The following C12orf56 variants were observed in gnomAD, a reference collection of about 807,000 sequenced individuals.
C12orf56 encodes the protein uncharacterized protein C12orf56.
C12orf56 carries 71 observed loss-of-function variants against 69.9 expected under a neutral mutation model. That is an observed-to-expected ratio of 1.02 (90% CI 0.84 to 1.24). The LOEUF is 1.24. Among genes scored for constraint, C12orf56 ranks in the 50% most tolerant of loss-of-function variants. C12orf56 has a pLI of 0.00. For synonymous variants in C12orf56, 276 were observed against 274.1 expected, an observed-to-expected ratio of 1.01 and a Z score of -0.07; for missense variants, 732 against 738.5, an observed-to-expected ratio of 0.99 and a Z score of 0.10.
chr12:64,299,364 A>T (rs901046651), intron 6 of C12orf56, among the ~76,000 whole-genome samples: 10 of 152,150 alleles, frequency 6.6e-5, no homozygotes, highest in African/African-American at 2.4e-4. Flanking sequence ...TTCCTATCTG[A>T]ATTATTTCCT....
At chr12:64,389,011 T>C (rs1173291790) in intron 1 of C12orf56, 2 of 152,102 alleles carry the variant, frequency 1.3e-5, no homozygotes, top group Non-Finnish European at 2.9e-5. Flanking sequence ...TTTTTTCATT[T>C]AATTTTATTC....
At chr12:64,359,540 C>T (rs916843302) in intron 1 of C12orf56, among the ~76,000 whole-genome samples, 20 of 152,078 alleles carry the variant, frequency 1.3e-4, no homozygotes, top group Admixed American at 9.2e-4. Context: ...AAGATCACAG[C>T]GTGTTTGTGA....
At chr12:64,278,359 T>A (rs1187471762) in intron 8 of C12orf56, among the ~76,000 whole-genome samples, 2 of 152,142 alleles carry the variant, frequency 1.3e-5, no homozygotes, top group African/African-American at 4.8e-5. Context: ...GATCTCATGA[T>A]GTTGCCCGGG....
Position 64,274,927 on chromosome 12 carries a change from A to T in C12orf56, c.1558T>A (p.Ser520Thr). The T allele has an allele frequency of 6.2e-7, 1 of 1,612,664 alleles. No individual in the cohort carries two copies. The change falls in exon 11 of 13, where the codon TCC becomes ACC. Residue 520 changes from serine (S) to threonine (T), a missense_variant. By Grantham distance (58) the Ser-to-Thr change is moderately conservative. Transcript: ENST00000543942. ...ATGGGAGGACAGCTTTGTAGAAAGGACATTATCCAGCTAATAGCAAACTTT... is the reference window on the plus strand; with the variant it reads ...ATGGGAGGACAGCTTTGTAGAAAGGTCATTATCCAGCTAATAGCAAACTTT... ...STKFAISWIM[S>T]FLQSCPPIIT...
chr12:64,322,469 G>T (rs2038785759), intron 3 of C12orf56, among the ~76,000 whole-genome samples: 1 of 151,766 alleles, frequency 6.6e-6, no homozygotes, highest in Admixed American at 6.6e-5. Flanking sequence ...CTTTCCATTT[G>T]CTTCAAAGGG....
chr12:64,353,127 C>T, intron 1 of C12orf56, 71 bp from the exon 2 acceptor site: 1 of 1,477,926 alleles, frequency 6.8e-7, no homozygotes, highest in South Asian at 1.2e-5. Context: ...TAATAAATCC[C>T]CCAAAGCTAA....
chr12:64,354,807 G>T (rs1208160123), intron 1 of C12orf56, among the ~76,000 whole-genome samples: 1 of 147,934 alleles, frequency 6.8e-6, no homozygotes, highest in Admixed American at 6.7e-5. Flanking sequence ...TGCCAGGTGC[G>T]GTGGCTCACG....
At chr12:64,282,415 C>A (rs952007286) in intron 8 of C12orf56, among the ~76,000 whole-genome samples, 1 of 152,160 alleles carries the variant, frequency 6.6e-6, no homozygotes, top group Admixed American at 6.5e-5. Context: ...GATTGTATGA[C>A]GTGATAAGCC....
chr12:64,385,593 C>T (rs1258578140), intron 1 of C12orf56, among the ~76,000 whole-genome samples: 2 of 152,108 alleles, frequency 1.3e-5, no homozygotes, highest in Admixed American at 6.6e-5. Flanking sequence ...CCACCCAGAT[C>T]GATTAACTGG....
chr12:64,373,522 C>A (rs538204868), intron 1 of C12orf56, among the ~76,000 whole-genome samples: 1 of 152,264 alleles, frequency 6.6e-6, no homozygotes, highest in East Asian at 1.9e-4. Flanking sequence ...ATTTGGAGAT[C>A]AACTGGGCCA....
At chr12:64,293,988 A>G (rs1565742126) in intron 6 of C12orf56, among the ~76,000 whole-genome samples, 1 of 152,246 alleles carries the variant, frequency 6.6e-6, no homozygotes, top group East Asian at 1.9e-4. Context: ...TTCAAACTGT[A>G]TCTTTAAATA....
At chr12:64,304,943 T>C (rs945522217) in intron 5 of C12orf56, among the ~76,000 whole-genome samples, 1 of 152,190 alleles carries the variant, frequency 6.6e-6, no homozygotes, top group Non-Finnish European at 1.5e-5. Flanking sequence ...TTAAAATTTC[T>C]GACTTGAAGT....
At chr12:64,369,120 A>C (rs1316753344) in intron 1 of C12orf56, among the ~76,000 whole-genome samples, 1 of 148,624 alleles carries the variant, frequency 6.7e-6, no homozygotes, top group Non-Finnish European at 1.5e-5. Flanking sequence ...AGAAGTCAAA[A>C]CCAACCTGGG....
chr12:64,385,208 C>A (rs1410444979), intron 1 of C12orf56, among the ~76,000 whole-genome samples: 12 of 152,164 alleles, frequency 7.9e-5, no homozygotes, highest in African/African-American at 2.9e-4. Flanking sequence ...GAAACCCTTT[C>A]TTTGAGAAAA....
Position 64,390,473 on chromosome 12 carries a change from G to A in C12orf56, c.93C>T (p.Asp31=). The change falls in exon 1 of 13, where the codon GAC becomes GAT. Residue 31 remains aspartate, a synonymous_variant. Transcript: ENST00000543942. ...LRRHLPPEVY[D]AVRAYEPCIV... Reference sequence around the variant, plus strand: ...TGCATGGCTCGTAGGCGCGGACCGCGTCGTAGACCTCGGGCGGCAGATGCC... The same window carrying A: ...TGCATGGCTCGTAGGCGCGGACCGCATCGTAGACCTCGGGCGGCAGATGCC... 6.2e-7 allele frequency: 1 copy of A among 1,606,402 alleles called. No individual in the cohort carries two copies. Among genetic ancestry groups the A allele is most frequent in the Non-Finnish European group, 8.5e-7 (1 of 1,179,646 alleles).
intron 1 of C12orf56, among the ~76,000 whole-genome samples, chr12:64,366,807 A>G (rs2039490366): frequency 2.3e-5 from 2 of 88,536 alleles, no homozygotes; most frequent in African/African-American, 1.0e-4. Context: ...TATATATATT[A>G]TATATAACAT....
rs1592514373 is a variant in C12orf56, at chr12:64,390,723, C to T, written c.-158G>A. The T allele has an allele frequency of 9.1e-7, 1 of 1,093,468 alleles. No homozygotes were observed. Among genetic ancestry groups the T allele is most frequent in the East Asian group, 3.2e-5 (1 of 31,664 alleles). The allele number at this position is 1,093,468 out of a possible 1,614,324, so 67.7% of individuals were successfully genotyped here. A position where few individuals can be genotyped will look rare whatever the true frequency, so the allele number is the denominator to read the frequency against. On this transcript the variant is annotated 5_prime_UTR_variant, in exon 1 of 13. Transcript: ENST00000543942. Reference sequence around the variant, plus strand: ...CGGGCCGCAACTGCAGGAATCGACGCTAGGTCGGCTTCCCTGGAGCGCCCT... The same window carrying T: ...CGGGCCGCAACTGCAGGAATCGACGTTAGGTCGGCTTCCCTGGAGCGCCCT...
At chr12:64,277,491 T>A (rs1222191907) in intron 9 of C12orf56, among the ~76,000 whole-genome samples, 189 bp downstream of exon 9, 1 of 152,142 alleles carries the variant, frequency 6.6e-6, no homozygotes, top group Non-Finnish European at 1.5e-5. Context: ...TCCTTTTTCT[T>A]GACCCTCTAA....
intron 1 of C12orf56, among the ~76,000 whole-genome samples, chr12:64,368,786 T>A (rs1470889234): frequency 6.6e-6 from 1 of 152,200 alleles, no homozygotes; most frequent in African/African-American, 2.4e-5. Context: ...ATCTGATTTC[T>A]AGTGTGGCCT....
Sources: allele counts gnomAD v4.1 joint callset (sites outside exome capture counted in the v4.1 genomes callset), GRCh38; gene constraint gnomAD v4.1.1; transcripts MANE v1.5; gene names NCBI Gene and HGNC (gene_info 2026-07-23, HGNC 2026-07-21).